TATDN3: variants seen among roughly 807,000 people sequenced by gnomAD.
TATDN3 encodes the protein deoxyribonuclease TATDN3.
A neutral mutation model predicts 40.1 loss-of-function variants in TATDN3; 29 were observed. That is an observed-to-expected ratio of 0.72 (90% CI 0.54 to 0.99). The LOEUF (loss-of-function observed/expected upper bound fraction) is 0.99, where lower values mean the gene tolerates loss of function less well. Among genes scored for constraint, TATDN3 ranks in the 50% least tolerant of loss-of-function variants. The probability of loss-of-function intolerance (pLI) is 0.00; values close to 1 mark genes in which losing one functional copy is unlikely to be tolerated. For synonymous variants in TATDN3, 105 were observed against 117.0 expected (o/e 0.90, Z 0.66); for missense variants, 309 against 321.9 (o/e 0.96, Z 0.31).
intron 1 of TATDN3, among the ~76,000 whole-genome samples, chr1:212,792,632 C>CAAAAAAAAAAAAAAAAAAA (rs752952752): frequency 4.0e-5 from 3 of 75,108 alleles, no homozygotes; most frequent in African/African-American, 6.7e-5. Flanking sequence ...GACCCTGTCT[C>CAAAAAAAAAAAAAAAAAAA]AAAAAAAAAA....
chr1:212,801,036 A>T (rs914196811), intron 4 of TATDN3, among the ~76,000 whole-genome samples: 9 of 151,830 alleles, frequency 5.9e-5, no homozygotes, highest in Non-Finnish European at 8.8e-5. Flanking sequence ...CAAAAATTTA[A>T]AATGTTAGCC....
intron 8 of TATDN3, among the ~76,000 whole-genome samples, chr1:212,808,400 G>A (rs1004076882): frequency 6.6e-6 from 1 of 151,376 alleles, no homozygotes; most frequent in African/African-American, 2.4e-5. Context: ...TCTTAGATAG[G>A]TCATTAAAAT....
rs1571969574 is a variant in TATDN3, at chr1:212,807,854, T to C, written c.600+6T>C. 1 of 1,580,726 alleles carries C rather than the reference T, an allele frequency of 6.3e-7. No homozygotes were observed. The highest frequency in any genetic ancestry group is 2.2e-5 in the East Asian group (1 of 44,660). On this transcript the variant is annotated splice_donor_region_variant and intron_variant, in intron 8 of 9. Coordinates refer to ENST00000366974, the MANE Select transcript of TATDN3 (RefSeq NM_001042552.3). ...CTATCATAAGAAGTGGACAGGTAAA[T>C]TTTTTCATTGAAACTCATCTAATAC... is the stretch of plus-strand genomic sequence containing the variant.
chr1:212,806,747 C>CATAT (rs71495077), intron 7 of TATDN3, among the ~76,000 whole-genome samples: 667 of 43,932 alleles, frequency 0.015, 71 homozygotes, highest in Non-Finnish European at 0.017. Flanking sequence ...TCTCTCTCTC[C>CATAT]ATATATATAT....
chr1:212,793,743 A>C (rs1448969618), intron 1 of TATDN3, among the ~76,000 whole-genome samples: 1 of 152,214 alleles, frequency 6.6e-6, no homozygotes, highest in Non-Finnish European at 1.5e-5. Flanking sequence ...AGGGAAAGGG[A>C]GGAGTCAAGG....
intron 1 of TATDN3, 103 bp downstream of exon 1, chr1:212,792,090 C>A: frequency 8.6e-7 from 1 of 1,156,168 alleles, no homozygotes; most frequent in South Asian, 1.4e-5. Context: ...CCATATCCCC[C>A]GCCCAGACCC....
chr1:212,807,917 T>G (rs1007877661), intron 8 of TATDN3, 69 bp downstream of exon 8: 4 of 960,132 alleles, frequency 4.2e-6, no homozygotes, highest in Non-Finnish European at 6.4e-6. Context: ...TTTTCTTCCA[T>G]ACTTGTGATA....
rs1164986973 is a variant in TATDN3 at position 212,802,272 on chromosome 1, G to C, written c.259-429G>C. Among the ~76,000 whole-genome samples, 4 of 152,306 alleles carry C rather than the reference G, an allele frequency of 2.6e-5. No individual in the cohort carries two copies. In the South Asian group the frequency reaches 6.2e-4, roughly 24 times the overall value. On this transcript the variant is annotated intron_variant, in intron 4 of 9. Transcript: ENST00000366974. ...AGTGAAAACAGTGCAAAGGAAGTAT[G>C]GGATTATCATTATAAACTCACCAAC...
chr1:212,794,179 G>A (rs1661563425), intron 1 of TATDN3, among the ~76,000 whole-genome samples: 1 of 152,026 alleles, frequency 6.6e-6, no homozygotes, highest in Non-Finnish European at 1.5e-5. Context: ...TACTTGGGAG[G>A]CTGAGGCAGG....
chr1:212,803,247 A>G (rs1456167120), intron 5 of TATDN3, among the ~76,000 whole-genome samples: 2 of 151,688 alleles, frequency 1.3e-5, no homozygotes, highest in South Asian at 2.1e-4. Context: ...CAGTGGCGCA[A>G]TCTCGGCTCA....
At chr1:212,813,503 T>C (rs182054066) in intron 9 of TATDN3, among the ~76,000 whole-genome samples, 2 of 152,200 alleles carry the variant, frequency 1.3e-5, no homozygotes, top group African/African-American at 4.8e-5. Flanking sequence ...TTATATGTGA[T>C]TGCAATGTGA....
chr1:212,793,239 G>C (rs898282603), intron 1 of TATDN3, among the ~76,000 whole-genome samples: 1 of 152,052 alleles, frequency 6.6e-6, no homozygotes, highest in African/African-American at 2.4e-5. Flanking sequence ...TTTAGATTGA[G>C]TCTGGCTGTG....
At chr1:212,801,039 T>C (rs1222370218) in intron 4 of TATDN3, among the ~76,000 whole-genome samples, 1 of 151,552 alleles carries the variant, frequency 6.6e-6, no homozygotes, top group African/African-American at 2.4e-5. Context: ...AAATTTAAAA[T>C]GTTAGCCAGG....
At chr1:212,813,872 G>T (rs532345421) in intron 9 of TATDN3, among the ~76,000 whole-genome samples, 1 of 151,786 alleles carries the variant, frequency 6.6e-6, no homozygotes, top group South Asian at 2.1e-4. Context: ...CACCACGCCC[G>T]GCTGATTTTT....
chr1:212,804,215 T>G, intron 5 of TATDN3, 105 bp from the exon 6 acceptor site: 1 of 705,510 alleles, frequency 1.4e-6, no homozygotes, highest in South Asian at 2.2e-5. Context: ...GTGGCTTGCT[T>G]TTGTGCCTCA....
At chr1:212,797,022 C>A in intron 3 of TATDN3, 90 bp from the exon 4 acceptor site, 1 of 978,828 alleles carries the variant, frequency 1.0e-6, no homozygotes, top group Non-Finnish European at 1.6e-6. Flanking sequence ...AGACATAAGC[C>A]ACCATGCCCG....
In TATDN3 at chr1:212,796,598, T is replaced by C; in HGVS notation, c.173+8T>C. 1 of 1,556,142 alleles carries C rather than the reference T, an allele frequency of 6.4e-7. No individual in the cohort carries two copies. Among genetic ancestry groups the C allele is most frequent in the Non-Finnish European group, 8.7e-7 (1 of 1,154,804 alleles). ...TATGCAACTTTCAGAAAGGTGCTAC[T>C]TTTAATTAAGATTTTAAAGGGTTGC... On this transcript the variant is annotated splice_region_variant and intron_variant, in intron 3 of 9. Transcript: ENST00000366974.
At chr1:212,809,654 C>T (rs1662744731) in intron 8 of TATDN3, among the ~76,000 whole-genome samples, 1 of 150,308 alleles carries the variant, frequency 6.7e-6, no homozygotes, top group Non-Finnish European at 1.5e-5. Flanking sequence ...CACTGCACTC[C>T]AGCCTGGGTG....
chr1:212,804,658 C>T lies in TATDN3; in HGVS notation c.487+7C>T, dbSNP rs767600204. 49 of 1,611,166 alleles carry T rather than the reference C, an allele frequency of 3.0e-5. No individual in the cohort carries two copies. The highest frequency in any genetic ancestry group is 2.4e-4 in the South Asian group (22 of 90,528). ...AACCTTTTACAAGAGCAAGGTATTT[C>T]GTTTCCTGAGAAAAATAGGCCTAAT... On this transcript the variant is annotated splice_region_variant and intron_variant, in intron 7 of 9. Coordinates refer to ENST00000366974, the MANE Select transcript of TATDN3 (RefSeq NM_001042552.3).
Sources: allele counts gnomAD v4.1 joint callset (sites outside exome capture counted in the v4.1 genomes callset), GRCh38; gene constraint gnomAD v4.1.1; transcripts MANE v1.5; gene names NCBI Gene and HGNC (gene_info 2026-07-23, HGNC 2026-07-21).